Variants in PRKAG2 observed in about 807,000 individuals in gnomAD.
PRKAG2 encodes 5'-AMP-activated protein kinase subunit gamma-2.
Under a neutral mutation model 69.6 loss-of-function variants are expected in PRKAG2, and 26 were observed. The ratio of observed to expected loss-of-function variants is 0.37; its 90% CI spans 0.27 to 0.52. The LOEUF is 0.52. Ranked by LOEUF, PRKAG2 falls within the 20% of genes least tolerant of loss-of-function variation. The pLI, the probability that PRKAG2 is intolerant of heterozygous loss-of-function variation, is 0.90. For missense variants in PRKAG2, 557 were observed against 740.0 expected, an observed-to-expected ratio of 0.75 and a Z score of 2.87; for synonymous variants, 293 against 285.0, an observed-to-expected ratio of 1.03 and a Z score of -0.28.
intron 3 of PRKAG2, among the ~76,000 whole-genome samples, chr7:151,727,041 C>T (rs1338482464): frequency 6.6e-6 from 1 of 151,998 alleles, no homozygotes; most frequent in Admixed American, 6.6e-5. Flanking sequence ...CATAGTGAAA[C>T]CCCGCCTCTA....
At chr7:151,621,138 A>C (rs1398949216) in intron 5 of PRKAG2, among the ~76,000 whole-genome samples, 1 of 152,208 alleles carries the variant, frequency 6.6e-6, no homozygotes, top group Non-Finnish European at 1.5e-5. Context: ...GCCACATTTT[A>C]AATGTAAGAC....
intron 1 of PRKAG2, among the ~76,000 whole-genome samples, chr7:151,859,624 C>T (rs920958646): frequency 7.2e-5 from 11 of 152,158 alleles, no homozygotes; most frequent in African/African-American, 1.7e-4. Flanking sequence ...TGCCCAAGCC[C>T]GGCTGGGTCT....
chr7:151,851,884 G>C (rs1219967262), intron 1 of PRKAG2, among the ~76,000 whole-genome samples: 1 of 152,156 alleles, frequency 6.6e-6, no homozygotes, highest in East Asian at 1.9e-4. Context: ...CCCCAGGGGA[G>C]TTCACAGGAG....
chr7:151,730,992 C>T (rs533812393), intron 3 of PRKAG2, among the ~76,000 whole-genome samples: 10 of 152,262 alleles, frequency 6.6e-5, no homozygotes, highest in South Asian at 2.1e-4. Flanking sequence ...CCTGACACAC[C>T]GCTTGGACTC....
At chr7:151,627,681 CGTT>C (rs1823320108) in intron 5 of PRKAG2, among the ~76,000 whole-genome samples, 3 of 152,214 alleles carry the variant, frequency 2.0e-5, no homozygotes, top group South Asian at 4.1e-4. Context: ...GATTCTATTT[CGTT>C]GTTGTCATTT....
intron 4 of PRKAG2, among the ~76,000 whole-genome samples, chr7:151,639,901 CA>C (rs1181843415): frequency 6.6e-6 from 1 of 152,152 alleles, no homozygotes; most frequent in Non-Finnish European, 1.5e-5. Context: ...GTCAATCAAT[CA>C]ATCAATCAAT....
intron 12 of PRKAG2, among the ~76,000 whole-genome samples, 158 bp from the exon 13 acceptor site, chr7:151,565,541 A>G (rs1806043309): frequency 6.6e-6 from 1 of 152,210 alleles, no homozygotes; most frequent in African/African-American, 2.4e-5. Flanking sequence ...ATTTTAATGG[A>G]CATATGAAAA....
At chr7:151,754,515 A>G (rs1164906702) in intron 3 of PRKAG2, among the ~76,000 whole-genome samples, 1 of 152,230 alleles carries the variant, frequency 6.6e-6, no homozygotes, top group East Asian at 1.9e-4. Context: ...CTGGGCCAGC[A>G]CTGGGGCTTA....
In PRKAG2 at chr7:151,832,184, G is replaced by A. The variant is rs1158818042; in HGVS notation, c.114+44323C>T. ...GAATTTCCCCCCAACCCAATAGGGT[G>A]GACACTAGTGACTGATTAGAGGGAG... On this transcript the variant is annotated intron_variant, in intron 1 of 15. Transcript: ENST00000287878. Among the ~76,000 whole-genome samples, 3 of 145,718 alleles carry A rather than the reference G, an allele frequency of 2.1e-5. No individual in the cohort carries two copies. The East Asian group carries it at 6.4e-4, about 31-fold the overall frequency.
chr7:151,722,340 A>T (rs1214572927), intron 3 of PRKAG2, among the ~76,000 whole-genome samples: 1 of 152,136 alleles, frequency 6.6e-6, no homozygotes, highest in Non-Finnish European at 1.5e-5. Context: ...CTGCCTGCCA[A>T]CCTCACCTTA....
chr7:151,773,091 G>GAGGGAAGGGA (rs1563640774), intron 3 of PRKAG2, among the ~76,000 whole-genome samples: 1 of 70,128 alleles, frequency 1.4e-5, no homozygotes, highest in African/African-American at 6.6e-5. Flanking sequence ...GGGAGGGAGG[G>GAGGGAAGGGA]AGGGAAGGGA....
chr7:151,639,736 A>T (rs998830236), intron 4 of PRKAG2, among the ~76,000 whole-genome samples: 7 of 152,138 alleles, frequency 4.6e-5, no homozygotes, highest in African/African-American at 1.7e-4. Context: ...TGGCTTCTCT[A>T]GTTCTGAGGC....
chr7:151,674,062 G>T (rs2727536), intron 4 of PRKAG2, among the ~76,000 whole-genome samples: 25 of 152,056 alleles, frequency 1.6e-4, no homozygotes, highest in African/African-American at 5.6e-4. Flanking sequence ...AGGCTGGTCT[G>T]GAACTCCTGG....
chr7:151,688,013 G>A (rs1328298565), intron 3 of PRKAG2, among the ~76,000 whole-genome samples: 1 of 146,736 alleles, frequency 6.8e-6, no homozygotes, highest in Non-Finnish European at 1.5e-5. Flanking sequence ...GAAGGGGAGG[G>A]AGGAGGAGGA....
At chr7:151,662,760 G>A (rs571850705) in intron 4 of PRKAG2, among the ~76,000 whole-genome samples, 8 of 151,964 alleles carry the variant, frequency 5.3e-5, no homozygotes, top group South Asian at 2.1e-4. Flanking sequence ...AAAATTAGTC[G>A]GGCATGGTGG....
intron 3 of PRKAG2, among the ~76,000 whole-genome samples, chr7:151,713,585 A>ATT (rs1795658928): frequency 1.6e-5 from 2 of 125,832 alleles, no homozygotes; most frequent in Admixed American, 8.3e-5. Context: ...TTGCTTTTTT[A>ATT]ATTTTTTTTT....
At chr7:151,628,053 G>T (rs1432435803) in intron 5 of PRKAG2, among the ~76,000 whole-genome samples, 2 of 152,214 alleles carry the variant, frequency 1.3e-5, no homozygotes, top group African/African-American at 4.8e-5. Flanking sequence ...TGAGGAGGAA[G>T]AGGAGAGACA....
chr7:151,764,578 G>A (rs1037573889), intron 3 of PRKAG2, among the ~76,000 whole-genome samples: 1 of 152,216 alleles, frequency 6.6e-6, no homozygotes, highest in Admixed American at 6.5e-5. Context: ...GTGCCTAGAG[G>A]CATCCCAGGA....
chr7:151,818,444 C>T (rs1030280318), intron 1 of PRKAG2, among the ~76,000 whole-genome samples: 1 of 152,192 alleles, frequency 6.6e-6, no homozygotes, highest in African/African-American at 2.4e-5. Context: ...CACGTCCCTG[C>T]GATGAGGCAT....
Sources: gnomAD v4.1 joint callset for allele counts (sites outside exome capture counted in the v4.1 genomes callset) on GRCh38, gnomAD v4.1.1 for gene constraint, MANE v1.5 for transcripts, NCBI Gene and HGNC (gene_info 2026-07-23, HGNC 2026-07-21) for gene names.